The following HPX variants were observed in gnomAD, a reference collection of about 807,000 sequenced individuals.
The protein encoded by HPX is hemopexin, also known as beta-1B-glycoprotein.
Under a neutral mutation model 53.8 loss-of-function variants are expected in HPX, and 42 were observed. The ratio of observed to expected loss-of-function variants is 0.78; its 90% CI spans 0.61 to 1.01. The LOEUF (loss-of-function observed/expected upper bound fraction) is 1.01. Among genes scored for constraint, HPX ranks in the 50% least tolerant of loss-of-function variants. The pLI is 0.00. For synonymous variants in HPX, 229 were observed against 221.1 expected, an observed-to-expected ratio of 1.04 and a Z score of -0.32; for missense variants, 547 against 594.3, an observed-to-expected ratio of 0.92 and a Z score of 0.83.
At chr11:6,438,117 G>A in intron 5 of HPX, 1 of 568,950 alleles carries the variant, frequency 1.8e-6, no homozygotes, top group Non-Finnish European at 3.1e-6. Flanking sequence ...TTTGTCCTAA[G>A]GGTCATGGGG....
chr11:6,433,457 G>A (rs762886207), intron 7 of HPX, among the ~76,000 whole-genome samples: 34 of 152,306 alleles, frequency 2.2e-4, no homozygotes, highest in African/African-American at 7.7e-4. Context: ...GATTACAGGC[G>A]TAAGCCACCA....
At chr11:6,440,567 TAAAAAAAAAAAAAAAAAAAAAAAAAA>T (rs71056749) in intron 2 of HPX, 29 bp from the exon 3 acceptor site, 8 of 588,994 alleles carry the variant, frequency 1.4e-5, no homozygotes, top group Non-Finnish European at 2.2e-5. Flanking sequence ...GATGGCAAAG[TAAAAAAAAAAAAAAAAAAAAAAAAAA>T]AAAAAAAAAA....
At position 6,437,511 on chromosome 11, in the gene HPX, G is replaced by C. The variant is rs1347433926; in HGVS notation, c.632C>G (p.Pro211Arg). 6.2e-7 allele frequency: 1 copy of C among 1,614,220 alleles called. No homozygotes were observed. The highest frequency in any genetic ancestry group is 1.1e-5 in the South Asian group (1 of 91,080). ...CCTGGGAGGCACCTCTCCCCTGACA[G>C]GGTCGAAGCGCAGGAATTGGTTACC... ...FQGNQFLRFD[P>R]VRGEVPPRYP... Residue 211 changes from proline (P) to arginine (R), a missense_variant, in exon 6 of 10, where the codon CCT becomes CGT. By Grantham distance (103) the Pro-to-Arg change is moderately radical. Coordinates refer to ENST00000265983, the MANE Select transcript of HPX (RefSeq NM_000613.3).
intron 5 of HPX, chr11:6,438,124 G>C (rs796175987): frequency 1.7e-6 from 1 of 576,468 alleles, no homozygotes; most frequent in South Asian, 2.2e-5. Flanking sequence ...TAAGGGTCAT[G>C]GGGAACAATG....
chr11:6,434,064 T>C (rs1359833274), intron 7 of HPX, among the ~76,000 whole-genome samples: 1 of 152,250 alleles, frequency 6.6e-6, no homozygotes, highest in Non-Finnish European at 1.5e-5. Context: ...TTTCTCTTTC[T>C]TATTGTCCTC....
rs1262265611 is a variant in HPX at position 6,440,476 on chromosome 11, A to G, written c.205T>C (p.Phe69Leu). Residue 69 changes from phenylalanine to leucine, a missense_variant, in exon 3 of 10, where the codon TTT becomes CTT. Transcript: ENST00000265983. ...CCTCAGTCCCTCCTACCTTTAAAAAACAGCATGGTTCCATTGTCATCCAGG... is the reference window on the plus strand; with the variant it reads ...CCTCAGTCCCTCCTACCTTTAAAAAGCAGCATGGTTCCATTGTCATCCAGG... ...TTLDDNGTML[F>L]FKGEFVWKSH... 4 of 1,611,408 alleles carry G rather than the reference A, an allele frequency of 2.5e-6. No individual in the cohort carries two copies. In the Admixed American group the frequency reaches 6.7e-5, roughly 27 times the overall value.
At chr11:6,436,988 G>C in intron 7 of HPX, 58 bp downstream of exon 7, 1 of 1,577,422 alleles carries the variant, frequency 6.3e-7, no homozygotes, top group African/African-American at 1.3e-5. Flanking sequence ...GTCAAGGATG[G>C]GAGATACAAG....
In HPX at chr11:6,432,003, G is replaced by A. The variant is rs753176932; in HGVS notation, c.850C>T (p.Arg284Cys). Residue 284 changes from arginine to cysteine, a missense_variant, in exon 8 of 10, where the codon CGT becomes TGT. Physicochemically the swap from Arg to Cys is radical, Grantham distance 180. Coordinates refer to ENST00000265983, the MANE Select transcript of HPX (RefSeq NM_000613.3). ...TYAFSGTHYWRLDTSRDGWHS... is the reference protein window; with the variant it reads ...TYAFSGTHYWCLDTSRDGWHS... ...CAGCCATCCCGGCTGGTGTCCAGAC[G>A]CCAGTAGTGGGTCCCTGTGGAATAC... 6.8e-6 allele frequency: 11 copies of A among 1,614,058 alleles called. No individual in the cohort carries two copies. Among genetic ancestry groups the A allele is most frequent in the African/African-American group, 2.7e-5 (2 of 74,924 alleles).
At chr11:6,438,159 C>T (rs1849440261) in intron 5 of HPX, 197 bp downstream of exon 5, 1 of 632,130 alleles carries the variant, frequency 1.6e-6, no homozygotes, top group Non-Finnish European at 2.8e-6. Context: ...CAGAATTACA[C>T]ACAGTTGCCT....
chr11:6,432,102 T>A (rs17242666), intron 7 of HPX, 85 bp from the exon 8 acceptor site: 3 of 1,500,062 alleles, frequency 2.0e-6, no homozygotes, highest in Non-Finnish European at 2.8e-6. Context: ...AAATGAGTCA[T>A]GAGAGGGAGA....
chr11:6,432,227 T>G, intron 7 of HPX: 1 of 596,800 alleles, frequency 1.7e-6, no homozygotes. Context: ...AGCAGGTGCC[T>G]GAAAGAAAGG....
Position 6,431,056 on chromosome 11 carries a change from G to T in HPX, c.*155C>A. ...ACGACCAAGGTCCCTTGATTCAAGT[G>T]AAGAAGCAATCTGTCTTTATTATGA... On this transcript the variant is annotated 3_prime_UTR_variant, in exon 10 of 10. Transcript: ENST00000265983. 1 of 997,944 alleles carries T rather than the reference G, an allele frequency of 1.0e-6. No individual in the cohort carries two copies. Among genetic ancestry groups the T allele is most frequent in the Non-Finnish European group, 1.4e-6 (1 of 698,722 alleles). 61.8% of individuals were successfully genotyped at this position (997,944 alleles called of 1,614,324 possible).
rs2134139115 is a variant in HPX at position 6,440,179 on chromosome 11, C to T, written c.322G>A (p.Val108Ile). The change falls in exon 4 of 10, where the codon GTC (valine) becomes ATC (isoleucine). Residue 108 changes from valine (V) to isoleucine (I), a missense_variant. Physicochemically the swap from Val to Ile is conservative, Grantham distance 29. Coordinates refer to ENST00000265983, the MANE Select transcript of HPX (RefSeq NM_000613.3). The part of the protein sequence containing the change: ...DAAFRQGHNS[V>I]FLIKGDKVWV... ...CCCAGCAGTACCTTGATCAGAAAGA[C>T]ACTGTTGTGACCTTGACGGAATGCA... 6.2e-7 allele frequency: 1 copy of T among 1,614,148 alleles called. No homozygotes were observed. The highest frequency in any genetic ancestry group is 8.5e-7 in the Non-Finnish European group (1 of 1,180,030).
At chr11:6,434,003 C>G (rs1187426782) in intron 7 of HPX, among the ~76,000 whole-genome samples, 1 of 152,248 alleles carries the variant, frequency 6.6e-6, no homozygotes, top group African/African-American at 2.4e-5. Context: ...ACTATCCTGT[C>G]TTATTTTCTT....
At chr11:6,436,235 C>T (rs1849415018) in intron 7 of HPX, among the ~76,000 whole-genome samples, 1 of 151,894 alleles carries the variant, frequency 6.6e-6, no homozygotes, top group South Asian at 2.1e-4. Context: ...GGTCAGGAGC[C>T]AAAAAAATTT....
chr11:6,431,510 A>C (rs1849347876), intron 9 of HPX, 40 bp from the exon 10 acceptor site: 1 of 1,612,648 alleles, frequency 6.2e-7, no homozygotes, highest in African/African-American at 1.3e-5. Context: ...CTTCCATGTC[A>C]TGGGGATCCT....
rs986388186 is a variant in HPX, at chr11:6,437,183, G to A, written c.704-6C>T. Reference sequence around the variant, plus strand: ...CCCATTCCTGTGTCCATGGCCTGGAGAGAGAAATGGGTGAGGAGAACACAG... The same window carrying A: ...CCCATTCCTGTGTCCATGGCCTGGAAAGAGAAATGGGTGAGGAGAACACAG... On this transcript the variant is annotated splice_region_variant and splice_polypyrimidine_tract_variant and intron_variant, in intron 6 of 9. Transcript: ENST00000265983. 1 of 1,612,370 alleles carries A rather than the reference G, an allele frequency of 6.2e-7. No individual in the cohort carries two copies. The highest frequency in any genetic ancestry group is 8.5e-7 in the Non-Finnish European group (1 of 1,179,080).
At chr11:6,437,860 G>C in intron 5 of HPX, 1 of 593,588 alleles carries the variant, frequency 1.7e-6, no homozygotes, top group Non-Finnish European at 3.0e-6. Flanking sequence ...GGGAGAGTCT[G>C]GGAAAACTTC....
chr11:6,436,902 G>T (rs1263622519), intron 7 of HPX, 144 bp downstream of exon 7: 3 of 856,938 alleles, frequency 3.5e-6, no homozygotes, highest in African/African-American at 1.7e-5. Flanking sequence ...AGAGATGAGG[G>T]ATGCAGAAGG....
Sources: allele counts gnomAD v4.1 joint callset (sites outside exome capture counted in the v4.1 genomes callset), GRCh38; gene constraint gnomAD v4.1.1; transcripts MANE v1.5; gene names NCBI Gene and HGNC (gene_info 2026-07-23, HGNC 2026-07-21).